HINFP: variants seen among roughly 807,000 people sequenced by gnomAD.
The protein encoded by HINFP is MBD2 (methyl-CpG-binding protein)-interacting zinc finger protein.
A neutral mutation model predicts 50.1 loss-of-function variants in HINFP; 20 were observed. The ratio of observed to expected loss-of-function variants is 0.40; its 90% CI spans 0.28 to 0.58. The LOEUF (loss-of-function observed/expected upper bound fraction) is 0.58, where lower values mean the gene tolerates loss of function less well. Among genes scored for constraint, HINFP ranks in the 20% least tolerant of loss-of-function variants. The probability of loss-of-function intolerance (pLI) is 0.45; values close to 1 mark genes in which losing one functional copy is unlikely to be tolerated. For synonymous variants in HINFP, 247 were observed against 243.7 expected, an observed-to-expected ratio of 1.01 and a Z score of -0.13; for missense variants, 505 against 664.1, an observed-to-expected ratio of 0.76 and a Z score of 2.63.
chr11:119,135,103 T>C lies in HINFP; in HGVS notation c.*605T>C, dbSNP rs1947999158. ...GGCAGTTTACTAGGTAATGAGGAGATACAGCCACCCAGAAGAGGAGCTGAA... is the reference window on the plus strand; with the variant it reads ...GGCAGTTTACTAGGTAATGAGGAGACACAGCCACCCAGAAGAGGAGCTGAA... On this transcript the variant is annotated 3_prime_UTR_variant, in exon 10 of 10. Coordinates refer to ENST00000350777, the MANE Select transcript of HINFP (RefSeq NM_198971.3). 1 of 152,714 alleles carries C rather than the reference T, an allele frequency of 6.5e-6. No homozygotes were observed. Among genetic ancestry groups the C allele is most frequent in the Admixed American group, 6.5e-5 (1 of 15,292 alleles). 9.5% of individuals were successfully genotyped at this position (152,714 alleles called of 1,614,324 possible). A position where few individuals can be genotyped will look rare whatever the true frequency, so the allele number is the denominator to read the frequency against.
At chr11:119,128,173 TTGTC>T (rs574805606) in intron 2 of HINFP, among the ~76,000 whole-genome samples, 175 of 152,078 alleles carry the variant, frequency 1.2e-3, no homozygotes, top group African/African-American at 4.0e-3. Context: ...TTTTTAACCT[TTGTC>T]TGACTTATGT....
intron 1 of HINFP, chr11:119,125,824 C>T (rs1947366207): frequency 6.6e-6 from 1 of 151,920 alleles, no homozygotes; most frequent in Admixed American, 6.6e-5. Flanking sequence ...GTGGAGTAAA[C>T]CGTTGGATAG....
intron 1 of HINFP, among the ~76,000 whole-genome samples, chr11:119,122,649 A>G (rs1565784935): frequency 6.6e-6 from 1 of 152,136 alleles, no homozygotes; most frequent in Non-Finnish European, 1.5e-5. Context: ...ATGAGAAGTG[A>G]ATAAGTGATG....
At chr11:119,127,192 T>A in intron 2 of HINFP, 67 bp downstream of exon 2, 14 of 1,348,070 alleles carry the variant, frequency 1.0e-5, no homozygotes, top group Non-Finnish European at 1.4e-5. Flanking sequence ...TTTCTTTTCC[T>A]TAGAGGGAGA....
At chr11:119,128,002 C>T (rs73562868) in intron 2 of HINFP, among the ~76,000 whole-genome samples, 1,547 of 151,944 alleles carry the variant, frequency 0.01, 28 homozygotes, top group African/African-American at 0.035. Context: ...TACAGGCGCG[C>T]GCCACCACGC....
intron 1 of HINFP, 21 bp from the exon 2 acceptor site, chr11:119,126,914 G>C (rs199901465): frequency 2.5e-6 from 4 of 1,583,316 alleles, no homozygotes; most frequent in Non-Finnish European, 3.4e-6. Flanking sequence ...TGCAGCTGTG[G>C]ATTTCTTCCT....
In HINFP at chr11:119,131,624, G is replaced by A. The variant is rs780235516; in HGVS notation, c.501G>A (p.Pro167=). The A allele has an allele frequency of 2.7e-5, 44 of 1,613,900 alleles. No homozygotes were observed. The highest frequency in any genetic ancestry group is 1.6e-4 in the African/African-American group (12 of 74,912). ...CEYEAVGKDN[P]VVLCGWKGCT... ...ACGAAGCAGTCGGCAAGGACAACCC[G>A]GTGGTGCTGTGTGGCTGGAAAGGTA... The change falls in exon 4 of 10, where the codon CCG becomes CCA. Residue 167 remains proline, a synonymous_variant. Transcript: ENST00000350777. This position sits in a 1 kb window ranked among gnomAD's most constrained non-coding sequence, Gnocchi z 4.2.
In HINFP at chr11:119,134,507, G is replaced by C; in HGVS notation, c.*9G>C. ...AGATCCAGATGGTTTGAAGGCCGCAGAGCCAGACCATTTCTTCCCCAGGTC... is the reference window on the plus strand; with the variant it reads ...AGATCCAGATGGTTTGAAGGCCGCACAGCCAGACCATTTCTTCCCCAGGTC... On this transcript the variant is annotated 3_prime_UTR_variant, in exon 10 of 10. Transcript: ENST00000350777. The surrounding 1 kb of genome is among the most constrained non-coding windows in gnomAD (Gnocchi z 4.3). 6.4e-7 allele frequency: 1 copy of C among 1,568,812 alleles called. No individual in the cohort carries two copies. The highest frequency in any genetic ancestry group is 8.7e-7 in the Non-Finnish European group (1 of 1,155,962).
intron 1 of HINFP, chr11:119,125,927 GCT>G (rs1406487744): frequency 6.6e-6 from 1 of 152,178 alleles, no homozygotes; most frequent in Non-Finnish European, 1.5e-5. Flanking sequence ...TCATCTGTAG[GCT>G]CTATGGAGTA....
intron 2 of HINFP, 190 bp from the exon 3 acceptor site, chr11:119,130,535 T>C (rs918774457): frequency 1.0e-5 from 6 of 587,558 alleles, no homozygotes; most frequent in Non-Finnish European, 1.8e-5. Flanking sequence ...TTACTTGTTA[T>C]AGTCCCTCTA....
At chr11:119,126,720 C>T in intron 1 of HINFP, 1 of 501,876 alleles carries the variant, frequency 2.0e-6, no homozygotes, top group Admixed American at 3.7e-5. Context: ...GGCACACACT[C>T]AATAGTGTTA....
Position 119,130,832 on chromosome 11 carries a change from C to T in HINFP, c.289C>T (p.Gln97Ter). The T allele has an allele frequency of 6.2e-7, 1 of 1,614,222 alleles. No individual in the cohort carries two copies. ...YFHCYHTKLK[Q>*]WGLQALQSQA... Reference sequence around the variant, plus strand: ...CCACTGCTACCACACCAAGCTGAAACAGTGGGGGCTGCAGGCCTTGCAAAG... The same window carrying T: ...CCACTGCTACCACACCAAGCTGAAATAGTGGGGGCTGCAGGCCTTGCAAAG... Residue 97 changes from glutamine to a stop codon, truncating the protein, a stop_gained, in exon 3 of 10, where the codon CAG becomes TAG. Coordinates refer to ENST00000350777, the MANE Select transcript of HINFP (RefSeq NM_198971.3). LOFTEE classifies it high-confidence loss of function.
chr11:119,132,389 C>T, intron 5 of HINFP, 107 bp from the exon 6 acceptor site: 1 of 1,098,134 alleles, frequency 9.1e-7, no homozygotes, highest in Non-Finnish European at 1.4e-6. Context: ...CTAAGCTCTC[C>T]TTTTCTCCTT....
At chr11:119,133,727 C>T (rs1212291341) in intron 9 of HINFP, 3 of 364,874 alleles carry the variant, frequency 8.2e-6, no homozygotes, top group African/African-American at 6.1e-5. Context: ...GTGCCAAACC[C>T]AATAAATGGT....
At chr11:119,129,966 A>T (rs934779738) in intron 2 of HINFP, 1 of 152,214 alleles carries the variant, frequency 6.6e-6, no homozygotes, top group African/African-American at 2.4e-5. Context: ...AAATTGGGGA[A>T]TGATTATATT....
At chr11:119,132,088 G>A in intron 5 of HINFP, 106 bp downstream of exon 5, 1 of 1,309,588 alleles carries the variant, frequency 7.6e-7, no homozygotes, top group Non-Finnish European at 1.1e-6. Context: ...CCTTTTGGCT[G>A]CCTCTTCTTT....
rs1187497107 is a variant in HINFP, at chr11:119,134,472, G to A, written c.1528G>A (p.Glu510Lys). 1 of 1,607,238 alleles carries A rather than the reference G, an allele frequency of 6.2e-7. No individual in the cohort carries two copies. The highest frequency in any genetic ancestry group is 8.5e-7 in the Non-Finnish European group (1 of 1,175,626). ...CATGGAAAAGCTTCAAGGAATAGCT[G>A]AGGAGCCAGAGATCCAGATGGTTTG... The part of the protein sequence containing the change: ...GIMEKLQGIA[E>K]EPEIQMV The change falls in exon 10 of 10, where the codon GAG becomes AAG. Residue 510 changes from glutamate to lysine, a missense_variant. Transcript: ENST00000350777. The surrounding 1 kb of genome is among the most constrained non-coding windows in gnomAD (Gnocchi z 4.3).
At chr11:119,122,184 C>T (rs1015464317) in intron 1 of HINFP, among the ~76,000 whole-genome samples, 8 of 152,088 alleles carry the variant, frequency 5.3e-5, no homozygotes, top group Non-Finnish European at 1.2e-4. Flanking sequence ...AGATCATGCC[C>T]CTATCTCCTC....
chr11:119,132,811 T>C (rs1181389589), intron 7 of HINFP, 30 bp downstream of exon 7: 8 of 1,613,694 alleles, frequency 5.0e-6, no homozygotes, highest in Non-Finnish European at 6.8e-6. Flanking sequence ...AGAAAACAGC[T>C]CATGTTCCAG....
Sources: gnomAD v4.1 joint callset for allele counts (sites outside exome capture counted in the v4.1 genomes callset) on GRCh38, gnomAD v4.1.1 for gene constraint, Gnocchi (gnomAD v3.1) non-coding constraint, MANE v1.5 for transcripts, NCBI Gene and HGNC (gene_info 2026-07-23, HGNC 2026-07-21) for gene names.